ST8SIA1: variants seen among roughly 807,000 people sequenced by gnomAD.
ST8SIA1 encodes the protein ST8 alpha-N-acetyl-neuraminide alpha-2,8-sialyltransferase 1.
Under a neutral mutation model 35.9 loss-of-function variants are expected in ST8SIA1, and 16 were observed. That is an observed-to-expected ratio of 0.45 (90% confidence interval 0.30 to 0.68). ST8SIA1 has a LOEUF of 0.68. Ranked by LOEUF, ST8SIA1 falls within the 30% of genes least tolerant of loss-of-function variation. The pLI is 0.09. For synonymous variants in ST8SIA1, 170 were observed against 169.6 expected, an observed-to-expected ratio of 1.00 and a Z score of -0.02; for missense variants, 383 against 453.6, an observed-to-expected ratio of 0.84 and a Z score of 1.41.
chr12:22,315,483 C>T (rs1224442444), intron 1 of ST8SIA1, among the ~76,000 whole-genome samples: 4 of 152,002 alleles, frequency 2.6e-5, no homozygotes, highest in African/African-American at 9.7e-5. Context: ...ATCTATTTTT[C>T]CTCTTGCTTT....
chr12:22,232,521 T>C (rs919924273), intron 4 of ST8SIA1, among the ~76,000 whole-genome samples: 1 of 152,220 alleles, frequency 6.6e-6, no homozygotes. Context: ...TATTTTAAGT[T>C]TGATATTCAT....
chr12:22,261,261 C>T (rs2135800335), intron 2 of ST8SIA1, among the ~76,000 whole-genome samples: 1 of 152,308 alleles, frequency 6.6e-6, no homozygotes, highest in Admixed American at 6.5e-5. Flanking sequence ...TCTCCTGCCT[C>T]AGCCTCCCGT....
chr12:22,213,278 A>T (rs1420630), intron 4 of ST8SIA1, among the ~76,000 whole-genome samples: 1 of 151,992 alleles, frequency 6.6e-6, no homozygotes, highest in Non-Finnish European at 1.5e-5. Context: ...GCTTCACACC[A>T]CACAATGATT....
At chr12:22,329,943 T>C (rs948441290) in intron 1 of ST8SIA1, among the ~76,000 whole-genome samples, 2 of 152,216 alleles carry the variant, frequency 1.3e-5, no homozygotes, top group Non-Finnish European at 2.9e-5. Context: ...CATTAGATCC[T>C]TGATGTTTGT....
chr12:22,268,760 T>C (rs1033770636), intron 2 of ST8SIA1: 2 of 152,122 alleles, frequency 1.3e-5, no homozygotes, highest in African/African-American at 4.8e-5. Flanking sequence ...GTCCCTCCCT[T>C]ACATGTGGGG....
At chr12:22,312,407 A>C (rs1866460816) in intron 1 of ST8SIA1, among the ~76,000 whole-genome samples, 1 of 152,186 alleles carries the variant, frequency 6.6e-6, no homozygotes, top group Non-Finnish European at 1.5e-5. Context: ...CAAACACCAG[A>C]ACTGCCACAT....
At chr12:22,258,658 C>A (rs74068784) in intron 2 of ST8SIA1, among the ~76,000 whole-genome samples, 1,860 of 152,284 alleles carry the variant, frequency 0.012, 47 homozygotes, top group African/African-American at 0.042. Context: ...GTAAGTTATA[C>A]ATGCACATTT....
At chr12:22,329,635 C>T (rs1866733166) in intron 1 of ST8SIA1, among the ~76,000 whole-genome samples, 1 of 152,152 alleles carries the variant, frequency 6.6e-6, no homozygotes, top group Non-Finnish European at 1.5e-5. Context: ...TCCTCCCCTC[C>T]ACTCCCAATG....
intron 1 of ST8SIA1, among the ~76,000 whole-genome samples, chr12:22,321,129 C>G (rs1866595101): frequency 1.3e-5 from 2 of 152,100 alleles, no homozygotes; most frequent in Admixed American, 6.5e-5. Context: ...ACACACCAGG[C>G]ACTGCACTCC....
At chr12:22,287,055 T>C in intron 2 of ST8SIA1, 94 bp downstream of exon 2, 1 of 1,192,008 alleles carries the variant, frequency 8.4e-7, no homozygotes, top group South Asian at 1.8e-5. Context: ...AAACAAAAAG[T>C]CAATCTGATG....
chr12:22,240,994 T>TTG (rs1166652659), intron 4 of ST8SIA1, among the ~76,000 whole-genome samples: 1 of 151,332 alleles, frequency 6.6e-6, no homozygotes, highest in Non-Finnish European at 1.5e-5. Flanking sequence ...TTTTTTTTTT[T>TTG]TTGAGACAGG....
intron 4 of ST8SIA1, among the ~76,000 whole-genome samples, chr12:22,234,967 T>C (rs1865459769): frequency 1.3e-5 from 2 of 152,240 alleles, no homozygotes; most frequent in Non-Finnish European, 2.9e-5. Context: ...CACTAATTTA[T>C]ATTCTGACCT....
chr12:22,247,097 C>A (rs1676028710), intron 4 of ST8SIA1, among the ~76,000 whole-genome samples: 1 of 147,890 alleles, frequency 6.8e-6, no homozygotes, highest in African/African-American at 2.5e-5. Flanking sequence ...ATCTCCTTCC[C>A]TCCCTCCCTC....
chr12:22,201,318 T>G lies in ST8SIA1; in HGVS notation c.*234A>C. The G allele has an allele frequency of 2.2e-6, 1 of 460,062 alleles. No homozygotes were observed. The allele number at this position is 460,062 out of a possible 1,614,324, so 28.5% of individuals were successfully genotyped here. ...TTTACCAACAGCATTTCACCAGCAT[T>G]TTACTAGTTGCAAATCTGCCATGTG... On this transcript the variant is annotated 3_prime_UTR_variant, in exon 5 of 5. Coordinates refer to ENST00000396037, the MANE Select transcript of ST8SIA1 (RefSeq NM_003034.4).
Position 22,268,907 on chromosome 12 carries a change from A to AT in ST8SIA1, c.382-13519dup, listed in dbSNP as rs577327211. On this transcript the variant is annotated intron_variant, in intron 2 of 4. Transcript: ENST00000396037. ...GGAGCCAGGACTGCCAGATATTCTG[A>AT]TTTTTTTTCAAGTGATACTAAAAAT... Among the ~76,000 whole-genome samples the AT allele has an allele frequency of 4.8e-4, 73 of 152,070 alleles. 2 individuals carry two copies. Among genetic ancestry groups the AT allele is most frequent in the African/African-American group, 1.4e-3 (58 of 41,470 alleles).
rs566144273 is a variant in ST8SIA1 at position 22,195,534 on chromosome 12, G to C, written c.*6018C>G. The C allele has an allele frequency of 2.0e-5, 3 of 152,252 alleles. No homozygotes were observed. Among genetic ancestry groups the C allele is most frequent in the African/African-American group, 7.2e-5 (3 of 41,548 alleles). The allele number at this position is 152,252 out of a possible 1,614,324, so 9.4% of individuals were successfully genotyped here. ...ATGCAGGCAACATTCCAACATTTGGGGAAATCGCAGGGGCCAGCACATCAG... is the reference window on the plus strand; with the variant it reads ...ATGCAGGCAACATTCCAACATTTGGCGAAATCGCAGGGGCCAGCACATCAG... On this transcript the variant is annotated 3_prime_UTR_variant, in exon 5 of 5. Transcript: ENST00000396037.
Position 22,195,394 on chromosome 12 carries a change from T to G in ST8SIA1, c.*6158A>C, listed in dbSNP as rs1217339203. ...GCATCTCATGATCTGTCTGTCACAC[T>G]GCTTCCTCTAGCATCTTTTCTCTCT... is the stretch of plus-strand genomic sequence containing the variant. On this transcript the variant is annotated 3_prime_UTR_variant, in exon 5 of 5. Transcript: ENST00000396037. The G allele has an allele frequency of 1.3e-5, 2 of 152,248 alleles. No homozygotes were observed. The highest frequency in any genetic ancestry group is 2.9e-5 in the Non-Finnish European group (2 of 68,168). 9.4% of individuals were successfully genotyped at this position (152,248 alleles called of 1,614,324 possible).
intron 2 of ST8SIA1, among the ~76,000 whole-genome samples, chr12:22,260,699 A>G (rs1943047123): frequency 6.6e-6 from 1 of 152,126 alleles, no homozygotes; most frequent in Non-Finnish European, 1.5e-5. Flanking sequence ...AAGGTGAGGC[A>G]TTTACCATTA....
chr12:22,328,621 T>C (rs1390388758), intron 1 of ST8SIA1, among the ~76,000 whole-genome samples: 1 of 152,162 alleles, frequency 6.6e-6, no homozygotes, highest in African/African-American at 2.4e-5. Context: ...CACAGAGTAG[T>C]AGGTATTTTG....
Sources: gnomAD v4.1 joint callset for allele counts (sites outside exome capture counted in the v4.1 genomes callset) on GRCh38, gnomAD v4.1.1 for gene constraint, MANE v1.5 for transcripts, NCBI Gene and HGNC (gene_info 2026-07-23, HGNC 2026-07-21) for gene names.